SLC24A5: variants seen among roughly 807,000 people sequenced by gnomAD.
The protein encoded by SLC24A5 is solute carrier family 24 member 5.
Under a neutral mutation model 51.6 loss-of-function variants are expected in SLC24A5, and 46 were observed. The ratio of observed to expected loss-of-function variants is 0.89; its 90% confidence interval spans 0.70 to 1.14. The LOEUF (loss-of-function observed/expected upper bound fraction) is 1.14. SLC24A5 is among the 50% of genes most tolerant of loss of function. The pLI, the probability that SLC24A5 is intolerant of heterozygous loss-of-function variation, is 0.00. For synonymous variants in SLC24A5, 230 were observed against 214.9 expected (o/e 1.07, Z -0.62); for missense variants, 581 against 604.1 (o/e 0.96, Z 0.40).
At chr15:48,127,993 C>T (rs1326761191) in intron 2 of SLC24A5, among the ~76,000 whole-genome samples, 1 of 150,666 alleles carries the variant, frequency 6.6e-6, no homozygotes, top group East Asian at 1.9e-4. Context: ...ATATATAATA[C>T]AAATTAAAAA....
rs2038920989 is a variant in SLC24A5, at chr15:48,137,137, A to G, written c.871+174A>G. The G allele has an allele frequency of 6.5e-6, 4 of 619,120 alleles. No homozygotes were observed. The South Asian group carries it at 1.0e-4, about 16-fold the overall frequency. The allele number at this position is 619,120 out of a possible 1,614,324, so 38.4% of individuals were successfully genotyped here. ...GAACTTCCAATATCACAGGAAATACAAAATAGCTAAAGTATGAACGTTAAG... is the reference window on the plus strand; with the variant it reads ...GAACTTCCAATATCACAGGAAATACGAAATAGCTAAAGTATGAACGTTAAG... On this transcript the variant is annotated intron_variant, in intron 6 of 8. Transcript: ENST00000341459.
In SLC24A5 at chr15:48,136,711, T is replaced by C. The variant is rs768020597; in HGVS notation, c.619T>C (p.Tyr207His). ...TGAAGGGGCTTTACTGCTTTTGATA[T>C]ATGGATTGTATGTTTTGGTGCTGTG... Reference protein sequence around the residue: ...WYEGALLLLIYGLYVLVLCFD... With the variant: ...WYEGALLLLIHGLYVLVLCFD... The change falls in exon 6 of 9, where the codon TAT becomes CAT. Residue 207 changes from tyrosine (Y) to histidine (H), a missense_variant. By Grantham distance (83) the Tyr-to-His change is moderately conservative. Transcript: ENST00000341459. 12 of 1,612,062 alleles carry C rather than the reference T, an allele frequency of 7.4e-6. No homozygotes were observed. Among genetic ancestry groups the C allele is most frequent in the South Asian group, 3.3e-5 (3 of 90,828 alleles).
At chr15:48,134,689 A>T (rs1387037362) in intron 4 of SLC24A5, 151 bp downstream of exon 4, 1 of 712,930 alleles carries the variant, frequency 1.4e-6, no homozygotes, top group Non-Finnish European at 2.3e-6. Flanking sequence ...ATTTAATGTT[A>T]ATCCACAAAT....
intron 2 of SLC24A5, 190 bp downstream of exon 2, chr15:48,122,226 G>C (rs1476004542): frequency 1.6e-6 from 1 of 628,154 alleles, no homozygotes; most frequent in African/African-American, 1.8e-5. Flanking sequence ...ATGTGAATCA[G>C]AGTTTCTTCA....
chr15:48,127,936 G>A (rs2038748835), intron 2 of SLC24A5, among the ~76,000 whole-genome samples: 1 of 151,122 alleles, frequency 6.6e-6, no homozygotes, highest in Non-Finnish European at 1.5e-5. Flanking sequence ...TGTTTAAAAA[G>A]TCACTTTTAA....
chr15:48,135,163 G>C, intron 5 of SLC24A5, 179 bp downstream of exon 5: 1 of 495,324 alleles, frequency 2.0e-6, no homozygotes, highest in East Asian at 3.1e-5. Flanking sequence ...TCACTAGTTT[G>C]CAATTTCTTC....
chr15:48,133,560 AATAG>A (rs1446363293), intron 2 of SLC24A5, among the ~76,000 whole-genome samples: 15 of 152,272 alleles, frequency 9.9e-5, no homozygotes, highest in Middle Eastern at 3.4e-3. Flanking sequence ...GCAAAATTTT[AATAG>A]ATCCATGTTT....
chr15:48,137,897 T>C (rs777379312), intron 6 of SLC24A5: 8 of 152,128 alleles, frequency 5.3e-5, no homozygotes, highest in Non-Finnish European at 1.0e-4. Context: ...ATGGTCAAAA[T>C]TATAAGTTCA....
chr15:48,123,541 A>T (rs952754021), intron 2 of SLC24A5: 1 of 152,210 alleles, frequency 6.6e-6, no homozygotes, highest in African/African-American at 2.4e-5. Context: ...GATTCTATAA[A>T]TGATTTGAGC....
chr15:48,130,028 C>T (rs1355057960), intron 2 of SLC24A5, among the ~76,000 whole-genome samples: 1 of 151,938 alleles, frequency 6.6e-6, no homozygotes, highest in Non-Finnish European at 1.5e-5. Flanking sequence ...CATGACATCA[C>T]AGAAAAAAAC....
At chr15:48,126,877 T>C (rs1326308371) in intron 2 of SLC24A5, among the ~76,000 whole-genome samples, 1 of 152,228 alleles carries the variant, frequency 6.6e-6, no homozygotes, top group Non-Finnish European at 1.5e-5. Flanking sequence ...TATCTGGTAT[T>C]GTTTGCTTGG....
chr15:48,121,110 T>C lies in SLC24A5; in HGVS notation c.66T>C (p.Thr22=). ...RALLLGILWA[T]AHLPLSGTSL... ...TGTTGCTCGGCATCCTGTGGGCCAC[T>C]GCACATCTGCCTCTCTCAGGGACCT... The change falls in exon 1 of 9, where the codon ACT becomes ACC. Residue 22 remains threonine (T), a synonymous_variant. Transcript: ENST00000341459. 9 of 1,613,912 alleles carry C rather than the reference T, an allele frequency of 5.6e-6. No homozygotes were observed. Among genetic ancestry groups the C allele is most frequent in the Non-Finnish European group, 7.6e-6 (9 of 1,179,914 alleles).
chr15:48,130,197 T>G (rs867545994), intron 2 of SLC24A5, among the ~76,000 whole-genome samples: 8 of 151,828 alleles, frequency 5.3e-5, no homozygotes, highest in Non-Finnish European at 7.4e-5. Flanking sequence ...TTTAGAGTAA[T>G]AGAGGAAAAA....
At chr15:48,133,709 A>G (rs2038826076) in intron 2 of SLC24A5, among the ~76,000 whole-genome samples, 2 of 152,148 alleles carry the variant, frequency 1.3e-5, no homozygotes, top group Admixed American at 6.6e-5. Flanking sequence ...CATTCAAATC[A>G]TCAAAAATTC....
intron 4 of SLC24A5, 75 bp downstream of exon 4, chr15:48,134,613 G>GAC: frequency 8.9e-7 from 1 of 1,122,642 alleles, no homozygotes. Context: ...GTCTGGGATG[G>GAC]ACAACAGGGC....
intron 4 of SLC24A5, 122 bp downstream of exon 4, chr15:48,134,660 G>A: frequency 1.3e-6 from 1 of 769,764 alleles, no homozygotes; most frequent in Non-Finnish European, 2.1e-6. Flanking sequence ...TTAATCAGTA[G>A]AAAAACAACA....
At chr15:48,130,030 GA>G (rs1392363781) in intron 2 of SLC24A5, among the ~76,000 whole-genome samples, 1 of 151,904 alleles carries the variant, frequency 6.6e-6, no homozygotes, top group African/African-American at 2.4e-5. Flanking sequence ...TGACATCACA[GA>G]AAAAAACACA....
Position 48,121,080 on chromosome 15 carries a change from G to A in SLC24A5, c.36G>A (p.Arg12=). 1 of 1,613,934 alleles carries A rather than the reference G, an allele frequency of 6.2e-7. No homozygotes were observed. The highest frequency in any genetic ancestry group is 1.1e-5 in the South Asian group (1 of 91,060). The stretch of plus-strand genomic sequence containing the variant: ...AAGGGGGCCAAACATGGGCGAGAAG[G>A]GCTCTGTTGCTCGGCATCCTGTGGG... ...QTKGGQTWAR[R]ALLLGILWAT... The change falls in exon 1 of 9, where the codon AGG becomes AGA. Residue 12 remains arginine, a synonymous_variant. Coordinates refer to ENST00000341459, the MANE Select transcript of SLC24A5 (RefSeq NM_205850.3).
rs1027357133 is a variant in SLC24A5 at position 48,128,351 on chromosome 15, C to T, written c.302-5907C>T. 5.9e-5 allele frequency among the ~76,000 whole-genome samples: 9 copies of T among 152,036 alleles called. No individual in the cohort carries two copies. In the South Asian group the frequency reaches 8.3e-4, roughly 14 times the overall value. ...ACACTGATACCTTCGAATTATAACA[C>T]GTCTTATATGAAAATGATCTTAATA... On this transcript the variant is annotated intron_variant, in intron 2 of 8. Coordinates refer to ENST00000341459, the MANE Select transcript of SLC24A5 (RefSeq NM_205850.3).
Sources: gnomAD v4.1 joint callset for allele counts (sites outside exome capture counted in the v4.1 genomes callset) on GRCh38, gnomAD v4.1.1 for gene constraint, MANE v1.5 for transcripts, NCBI Gene and HGNC (gene_info 2026-07-23, HGNC 2026-07-21) for gene names.